Variants in FILIP1L observed in about 807,000 individuals in gnomAD.
FILIP1L encodes the protein filamin A interacting protein 1 like.
A neutral mutation model predicts 96.6 loss-of-function variants in FILIP1L; 55 were observed. The ratio of observed to expected loss-of-function variants is 0.57; its 90% CI spans 0.46 to 0.71. The LOEUF (loss-of-function observed/expected upper bound fraction) is 0.71. Ranked by LOEUF, FILIP1L falls within the 30% of genes least tolerant of loss-of-function variation. FILIP1L has a pLI of 0.00. For missense variants in FILIP1L, 1,304 were observed against 1,321.2 expected (o/e 0.99, Z 0.20); for synonymous variants, 467 against 473.9 (o/e 0.99, Z 0.19).
intron 1 of FILIP1L, among the ~76,000 whole-genome samples, chr3:99,940,989 T>A (rs1707833346): frequency 6.6e-6 from 1 of 152,210 alleles, no homozygotes; most frequent in African/African-American, 2.4e-5. Context: ...GCCATTTGGC[T>A]CCCCTTTCCC....
intron 1 of FILIP1L, among the ~76,000 whole-genome samples, chr3:100,065,137 C>T (rs2065642205): frequency 6.6e-6 from 1 of 152,162 alleles, no homozygotes; most frequent in South Asian, 2.1e-4. Flanking sequence ...AATATATACA[C>T]TGGGCAGTCT....
intron 5 of FILIP1L, among the ~76,000 whole-genome samples, chr3:99,834,935 G>A (rs1487504133): frequency 2.0e-5 from 3 of 152,324 alleles, no homozygotes; most frequent in African/African-American, 7.2e-5. Flanking sequence ...TTGGGGAGTA[G>A]AGATATTGTG....
At chr3:99,864,473 A>C (rs1210719767) in intron 4 of FILIP1L, among the ~76,000 whole-genome samples, 1 of 152,204 alleles carries the variant, frequency 6.6e-6, no homozygotes, top group Non-Finnish European at 1.5e-5. Context: ...ATAATTTTCC[A>C]AACAGTACAG....
intron 1 of FILIP1L, among the ~76,000 whole-genome samples, chr3:100,105,364 CAT>C (rs2066376703): frequency 1.3e-5 from 2 of 152,178 alleles, no homozygotes; most frequent in South Asian, 4.1e-4. Context: ...TTTTTAGACA[CAT>C]ATTTCTCACA....
intron 1 of FILIP1L, among the ~76,000 whole-genome samples, chr3:100,011,983 C>T (rs1026571003): frequency 3.3e-5 from 5 of 152,054 alleles, no homozygotes; most frequent in African/African-American, 4.8e-5. Flanking sequence ...TCTGATATTT[C>T]GATTATGATA....
chr3:100,085,878 A>G (rs1435841613), intron 1 of FILIP1L, among the ~76,000 whole-genome samples: 2 of 152,208 alleles, frequency 1.3e-5, no homozygotes. Flanking sequence ...ATGAAGAGTA[A>G]TATACTCCCA....
At chr3:100,021,960 T>TGTGTGTGAGAGAGA (rs1321185364) in intron 1 of FILIP1L, among the ~76,000 whole-genome samples, 16 of 93,330 alleles carry the variant, frequency 1.7e-4, no homozygotes, top group African/African-American at 5.6e-4. Flanking sequence ...TGTGTGTGTG[T>TGTGTGTGAGAGAGA]GAGAGAGAGA....
chr3:99,976,879 A>G (rs1489383371), intron 1 of FILIP1L, among the ~76,000 whole-genome samples: 1 of 151,968 alleles, frequency 6.6e-6, no homozygotes, highest in East Asian at 1.9e-4. Context: ...CTGGCTTCCT[A>G]CCTTGCCCCC....
intron 1 of FILIP1L, among the ~76,000 whole-genome samples, chr3:99,961,971 G>A (rs1234747186): frequency 1.3e-5 from 2 of 152,176 alleles, no homozygotes; most frequent in African/African-American, 2.4e-5. Context: ...TAGCAGAGTG[G>A]CAAGGGCTAT....
At chr3:99,961,667 C>G (rs1695063305) in intron 1 of FILIP1L, among the ~76,000 whole-genome samples, 2 of 152,072 alleles carry the variant, frequency 1.3e-5, no homozygotes, top group African/African-American at 4.8e-5. Flanking sequence ...CTTTTTGAAG[C>G]TACTTAGAAT....
At chr3:99,841,450 C>G (rs968320219) in intron 5 of FILIP1L, among the ~76,000 whole-genome samples, 1 of 152,178 alleles carries the variant, frequency 6.6e-6, no homozygotes, top group African/African-American at 2.4e-5. Flanking sequence ...GGTCCTCTCT[C>G]GGAAGTCTCA....
intron 1 of FILIP1L, among the ~76,000 whole-genome samples, chr3:100,055,136 T>C (rs1044969398): frequency 3.3e-5 from 5 of 152,138 alleles, no homozygotes; most frequent in Non-Finnish European, 7.4e-5. Flanking sequence ...TTCAGAACAT[T>C]CTCAGCAGCT....
chr3:99,970,453 C>T (rs1708779991), intron 1 of FILIP1L, among the ~76,000 whole-genome samples: 1 of 152,254 alleles, frequency 6.6e-6, no homozygotes, highest in Non-Finnish European at 1.5e-5. Flanking sequence ...AAGTCTCATT[C>T]TCACATACTC....
chr3:100,015,906 A>G (rs897370293), intron 1 of FILIP1L, among the ~76,000 whole-genome samples: 30 of 152,360 alleles, frequency 2.0e-4, no homozygotes, highest in South Asian at 1.0e-3. Context: ...TTGTTGCTCA[A>G]AAATTGTTTT....
intron 1 of FILIP1L, among the ~76,000 whole-genome samples, chr3:100,012,585 G>C (rs1316216810): frequency 6.6e-6 from 1 of 151,966 alleles, no homozygotes; most frequent in African/African-American, 2.4e-5. Flanking sequence ...TAGTGCTTCA[G>C]GAGGATTTCA....
intron 1 of FILIP1L, among the ~76,000 whole-genome samples, chr3:99,986,920 T>C (rs1709358151): frequency 6.6e-6 from 1 of 152,014 alleles, no homozygotes; most frequent in South Asian, 2.1e-4. Context: ...CAAGAACATA[T>C]TAGGAGAGTA....
chr3:100,002,370 A>G (rs1709867754), intron 1 of FILIP1L, among the ~76,000 whole-genome samples: 1 of 152,172 alleles, frequency 6.6e-6, no homozygotes, highest in African/African-American at 2.4e-5. Context: ...CCTGATACAC[A>G]TTTGCTTTCA....
chr3:100,088,446 A>C (rs1313361606), intron 1 of FILIP1L, among the ~76,000 whole-genome samples: 1 of 152,254 alleles, frequency 6.6e-6, no homozygotes, highest in Non-Finnish European at 1.5e-5. Context: ...TGGATAACTA[A>C]ATTATTCATT....
intron 1 of FILIP1L, among the ~76,000 whole-genome samples, chr3:100,043,335 C>T (rs2065234238): frequency 1.3e-5 from 2 of 152,194 alleles, no homozygotes; most frequent in South Asian, 4.1e-4. Flanking sequence ...TTGAAAGTCT[C>T]TCTGTCTCTG....
Sources: allele counts gnomAD v4.1 joint callset (sites outside exome capture counted in the v4.1 genomes callset), GRCh38; gene constraint gnomAD v4.1.1; transcripts MANE v1.5; gene names NCBI Gene and HGNC (gene_info 2026-07-23, HGNC 2026-07-21).